Variants in DAB1 observed in about 807,000 individuals in gnomAD.
The protein encoded by DAB1 is disabled homolog 1.
Under a neutral mutation model 64.6 loss-of-function variants are expected in DAB1, and 15 were observed. The observed-to-expected ratio is 0.23, with a 90% CI of 0.16 to 0.36. DAB1 has a LOEUF of 0.36. DAB1 is among the 10% of genes least tolerant of loss of function. The pLI, the probability that DAB1 is intolerant of heterozygous loss-of-function variation, is 1.00. For missense variants in DAB1, 596 were observed against 706.7 expected (o/e 0.84, Z 1.78); for synonymous variants, 235 against 251.9 (o/e 0.93, Z 0.64).
At chr1:58,200,223 T>C (rs1195962551) in intron 4 of DAB1, among the ~76,000 whole-genome samples, 1 of 152,102 alleles carries the variant, frequency 6.6e-6, no homozygotes, top group Non-Finnish European at 1.5e-5. Flanking sequence ...AATGATGGCA[T>C]TATGAGAGAT....
chr1:58,363,013 T>A (rs1203633690), intron 3 of DAB1, among the ~76,000 whole-genome samples: 1 of 152,234 alleles, frequency 6.6e-6, no homozygotes, highest in African/African-American at 2.4e-5. Context: ...TCTGCTCACA[T>A]GGCAGATAAA....
chr1:57,951,833 AG>A (rs1425470621), intron 5 of DAB1, among the ~76,000 whole-genome samples: 4 of 152,160 alleles, frequency 2.6e-5, no homozygotes, highest in Admixed American at 2.6e-4. Flanking sequence ...TATATACTAC[AG>A]GTGTAACATT....
chr1:58,526,601 C>CAA lies in DAB1; in HGVS notation n.107+658_107+659dup, dbSNP rs10574530. On this transcript the variant is annotated intron_variant and non_coding_transcript_variant, in intron 2 of 20. Transcript: ENST00000485760. ...GCCCAGAGCTGCTCTCTATGGCTAGCAAAAAAAAAAAAAAAAAGCCATCTG... is the reference window on the plus strand; with the variant it reads ...GCCCAGAGCTGCTCTCTATGGCTAGCAAAAAAAAAAAAAAAAAAAGCCATCTG... Among the ~76,000 whole-genome samples the CAA allele has an allele frequency of 7.4e-5, 9 of 121,372 alleles. 1 individual carries two copies. The highest frequency in any genetic ancestry group is 1.7e-4 in the African/African-American group (5 of 28,986). The allele number at this position is 121,372 out of a possible 152,430, so 79.6% of individuals were successfully genotyped here.
intron 5 of DAB1, among the ~76,000 whole-genome samples, chr1:58,132,779 G>T (rs1020790546): frequency 1.3e-5 from 2 of 152,154 alleles, no homozygotes; most frequent in African/African-American, 4.8e-5. Context: ...GTAGACTCCT[G>T]GGTAAACTGT....
chr1:57,618,117 T>C (rs1411095697), intron 7 of DAB1, among the ~76,000 whole-genome samples: 1 of 152,088 alleles, frequency 6.6e-6, no homozygotes. Flanking sequence ...AAGAATATCA[T>C]ACTAAAGGAG....
chr1:58,292,073 G>A (rs1186165684), intron 4 of DAB1, among the ~76,000 whole-genome samples: 1 of 152,146 alleles, frequency 6.6e-6, no homozygotes, highest in Non-Finnish European at 1.5e-5. Flanking sequence ...TTCTGACTCA[G>A]TGCTTGATTG....
At chr1:58,062,742 G>C (rs1648579577) in intron 5 of DAB1, among the ~76,000 whole-genome samples, 1 of 152,192 alleles carries the variant, frequency 6.6e-6, no homozygotes, top group Admixed American at 6.5e-5. Context: ...TTTCTGCTTT[G>C]AGAAAGTTTC....
intron 7 of DAB1, among the ~76,000 whole-genome samples, chr1:57,552,820 G>T (rs189793899): frequency 4.1e-4 from 63 of 152,290 alleles, no homozygotes; most frequent in Non-Finnish European, 5.9e-4. Context: ...ATTCCTAGAG[G>T]CCTGATGGGG....
chr1:57,968,832 C>T (rs1427034240), intron 5 of DAB1, among the ~76,000 whole-genome samples: 2 of 152,182 alleles, frequency 1.3e-5, no homozygotes, highest in African/African-American at 4.8e-5. Context: ...TTCAATGGCT[C>T]ACAGCTTGAA....
intron 1 of DAB1, chr1:57,862,974 T>A (rs1654129382): frequency 6.6e-6 from 1 of 152,200 alleles, no homozygotes; most frequent in Non-Finnish European, 1.5e-5. Flanking sequence ...TAAAGACTTG[T>A]GCACAAATGA....
chr1:57,392,459 T>C (rs1223382944), intron 1 of DAB1, among the ~76,000 whole-genome samples: 1 of 152,160 alleles, frequency 6.6e-6, no homozygotes, highest in African/African-American at 2.4e-5. Flanking sequence ...TCAAAACATA[T>C]TGGTTGAGCA....
At chr1:57,699,579 T>C (rs1158244809) in intron 6 of DAB1, among the ~76,000 whole-genome samples, 1 of 152,146 alleles carries the variant, frequency 6.6e-6, no homozygotes, top group Non-Finnish European at 1.5e-5. Context: ...TGTTGTTTTA[T>C]AGAAGAAGTG....
At chr1:58,306,389 G>T (rs1662307613) in intron 4 of DAB1, among the ~76,000 whole-genome samples, 1 of 152,184 alleles carries the variant, frequency 6.6e-6, no homozygotes, top group African/African-American at 2.4e-5. Flanking sequence ...TAAATTCACA[G>T]AGCATCTTTC....
At chr1:58,139,840 A>C (rs1374663544) in intron 5 of DAB1, among the ~76,000 whole-genome samples, 1 of 152,208 alleles carries the variant, frequency 6.6e-6, no homozygotes, top group African/African-American at 2.4e-5. Context: ...TTTCATTTTC[A>C]GGGATGCTTT....
chr1:57,339,192 G>A (rs1411034015), intron 1 of DAB1, among the ~76,000 whole-genome samples: 1 of 141,334 alleles, frequency 7.1e-6, no homozygotes, highest in Non-Finnish European at 1.5e-5. Flanking sequence ...GTCTCGCTCT[G>A]TCGCCCAGGC....
At chr1:57,850,818 G>A (rs1397775839) in intron 1 of DAB1, among the ~76,000 whole-genome samples, 4 of 152,060 alleles carry the variant, frequency 2.6e-5, no homozygotes, top group Admixed American at 1.3e-4. Context: ...ACAGCTGTGC[G>A]TGACTTGAAA....
At chr1:58,370,366 AGTGTGTGCGTGT>A (rs1249306437) in intron 3 of DAB1, among the ~76,000 whole-genome samples, 32 of 124,566 alleles carry the variant, frequency 2.6e-4, no homozygotes, top group African/African-American at 9.5e-4. Context: ...GTTACTTATG[AGTGTGTGCGTGT>A]GTGTGTGTGT....
chr1:57,356,967 T>C (rs1415820023), intron 1 of DAB1, among the ~76,000 whole-genome samples: 2 of 152,032 alleles, frequency 1.3e-5, no homozygotes, highest in Non-Finnish European at 2.9e-5. Context: ...TTAATCCCTT[T>C]GTGCTTCAAC....
At chr1:57,335,581 T>C (rs1015552196) in intron 1 of DAB1, among the ~76,000 whole-genome samples, 2 of 152,198 alleles carry the variant, frequency 1.3e-5, no homozygotes, top group African/African-American at 4.8e-5. Context: ...ATAAAATCCA[T>C]GCCAGTTTTG....
Sources: gnomAD v4.1 joint callset for allele counts (sites outside exome capture counted in the v4.1 genomes callset) on GRCh38, gnomAD v4.1.1 for gene constraint, MANE v1.5 for transcripts, NCBI Gene and HGNC (gene_info 2026-07-23, HGNC 2026-07-21) for gene names.